The following RYR2 variants were observed in gnomAD, a reference collection of about 807,000 sequenced individuals.
RYR2 encodes cardiac muscle ryanodine receptor-calcium release channel.
RYR2 carries 227 observed loss-of-function variants against 601.1 expected under a neutral mutation model. The observed-to-expected ratio is 0.38, with a 90% CI of 0.34 to 0.42. The LOEUF (loss-of-function observed/expected upper bound fraction) is 0.42, where lower values mean the gene tolerates loss of function less well. Ranked by LOEUF, RYR2 falls within the 10% of genes least tolerant of loss-of-function variation. The pLI is 1.00. For missense variants in RYR2, 4,646 were observed against 6,156.5 expected, an observed-to-expected ratio of 0.75 and a Z score of 8.21; for synonymous variants, 2,223 against 2,175.1, an observed-to-expected ratio of 1.02 and a Z score of -0.61.
intron 84 of RYR2, among the ~76,000 whole-genome samples, chr1:237,764,327 G>A (rs938383081): frequency 5.3e-5 from 8 of 150,452 alleles, no homozygotes; most frequent in African/African-American, 1.7e-4. Context: ...CAGATCCCAC[G>A]AGTGAAGTCA....
chr1:237,290,056 G>A (rs1692038045), intron 2 of RYR2, among the ~76,000 whole-genome samples: 1 of 152,124 alleles, frequency 6.6e-6, no homozygotes, highest in Non-Finnish European at 1.5e-5. Context: ...AGAGTTATTT[G>A]TCCCTGTTTC....
chr1:237,395,691 C>A (rs910348183), intron 10 of RYR2, among the ~76,000 whole-genome samples: 1 of 151,812 alleles, frequency 6.6e-6, no homozygotes, highest in African/African-American at 2.4e-5. Context: ...GGACTACAGG[C>A]ACCCGCCACC....
chr1:237,729,871 A>T (rs1368580125), intron 76 of RYR2, among the ~76,000 whole-genome samples: 2 of 152,160 alleles, frequency 1.3e-5, no homozygotes, highest in Non-Finnish European at 2.9e-5. Context: ...TACATTGCTT[A>T]TCGAGAGACA....
At chr1:237,355,657 C>T (rs1276708876) in intron 3 of RYR2, among the ~76,000 whole-genome samples, 4 of 151,988 alleles carry the variant, frequency 2.6e-5, no homozygotes, top group East Asian at 1.9e-4. Flanking sequence ...AGGCCTATTA[C>T]GTTTGAGAAT....
intron 1 of RYR2, among the ~76,000 whole-genome samples, chr1:237,149,563 C>T (rs1674472140): frequency 1.3e-5 from 2 of 151,798 alleles, no homozygotes; most frequent in South Asian, 4.1e-4. Flanking sequence ...GGGAAGAATA[C>T]AAGACAGTAG....
intron 1 of RYR2, among the ~76,000 whole-genome samples, chr1:237,103,624 A>G (rs1308550442): frequency 6.6e-6 from 1 of 152,176 alleles, no homozygotes; most frequent in East Asian, 1.9e-4. Flanking sequence ...GCTGGAGTGC[A>G]ATGCCATGAT....
At chr1:237,442,768 A>T (rs1473658752) in intron 13 of RYR2, among the ~76,000 whole-genome samples, 1 of 152,042 alleles carries the variant, frequency 6.6e-6, no homozygotes, top group African/African-American at 2.4e-5. Flanking sequence ...CCCATTGCCT[A>T]TGCTCTTGGT....
intron 1 of RYR2, among the ~76,000 whole-genome samples, chr1:237,208,986 G>GTATATATATATATATATATATA (rs1325820873): frequency 1.2e-5 from 1 of 86,392 alleles, no homozygotes; most frequent in African/African-American, 4.9e-5. Flanking sequence ...ATATATATAT[G>GTATATATATATATATATATATA]TATACTGTAA....
chr1:237,400,477 C>A (rs919223960), intron 10 of RYR2, among the ~76,000 whole-genome samples: 13 of 151,852 alleles, frequency 8.6e-5, no homozygotes, highest in South Asian at 8.3e-4. Context: ...AAAGAGAGAC[C>A]CTGAATATAG....
chr1:237,138,905 G>A (rs1673092997), intron 1 of RYR2, among the ~76,000 whole-genome samples: 3 of 152,290 alleles, frequency 2.0e-5, no homozygotes, highest in South Asian at 4.1e-4. Context: ...GTGTTGTCAA[G>A]GCTACAGAGA....
At chr1:237,731,970 G>T in intron 77 of RYR2, 76 bp from the exon 78 acceptor site, 1 of 857,464 alleles carries the variant, frequency 1.2e-6, no homozygotes, top group Non-Finnish European at 1.9e-6. Context: ...CTTCATTGCT[G>T]TCCTTCACAG....
rs530340722 is a variant in RYR2, at chr1:237,448,711, C to T, written c.1292+3189C>T. ...GATTTTGTTCTTTTGATGAACTGAC[C>T]CCTTTATCATTATGAAATTACCTTC... On this transcript the variant is annotated intron_variant, in intron 14 of 104. Coordinates refer to ENST00000366574, the MANE Select transcript of RYR2 (RefSeq NM_001035.3). Among the ~76,000 whole-genome samples, 100 of 151,854 alleles carry T rather than the reference C, an allele frequency of 6.6e-4. 2 individuals carry two copies. In the South Asian group the frequency reaches 0.019, roughly 29 times the overall value.
At chr1:237,322,160 C>T (rs1441624393) in intron 2 of RYR2, among the ~76,000 whole-genome samples, 1 of 152,146 alleles carries the variant, frequency 6.6e-6, no homozygotes, top group East Asian at 1.9e-4. Context: ...TAATCCAGCT[C>T]ATTTTCAGAG....
rs1359061830 is a variant in RYR2, at chr1:237,832,664, C to T, written c.*17C>T. 2 of 1,491,678 alleles carry T rather than the reference C, an allele frequency of 1.3e-6. No individual in the cohort carries two copies. Among genetic ancestry groups the T allele is most frequent in the East Asian group, 2.3e-5 (1 of 43,990 alleles). The allele number at this position is 1,491,678 out of a possible 1,614,324, so 92.4% of individuals were successfully genotyped here. Reference sequence around the variant, plus strand: ...CTAAATTAAACTCAGACCCAATCACCTCTAAAAACCAAAACCCTACCCCTC... The same window carrying T: ...CTAAATTAAACTCAGACCCAATCACTTCTAAAAACCAAAACCCTACCCCTC... On this transcript the variant is annotated 3_prime_UTR_variant, in exon 105 of 105. Transcript: ENST00000366574.
intron 28 of RYR2, among the ~76,000 whole-genome samples, chr1:237,567,966 G>T (rs906597963): frequency 6.6e-6 from 1 of 151,144 alleles, no homozygotes; most frequent in Non-Finnish European, 1.5e-5. Flanking sequence ...CACTTTTTTG[G>T]GGGGTTGGGG....
At chr1:237,420,557 T>A (rs977109189) in intron 11 of RYR2, among the ~76,000 whole-genome samples, 1 of 152,136 alleles carries the variant, frequency 6.6e-6, no homozygotes, top group African/African-American at 2.4e-5. Context: ...TCTGGGCATG[T>A]GAGACCAGGC....
chr1:237,365,178 T>C (rs573121537), intron 5 of RYR2, among the ~76,000 whole-genome samples: 2 of 152,320 alleles, frequency 1.3e-5, no homozygotes, highest in Admixed American at 6.5e-5. Flanking sequence ...GAAAAATTGA[T>C]TGATATTCCA....
chr1:237,679,879 G>A (rs572239017), intron 61 of RYR2, among the ~76,000 whole-genome samples: 1 of 152,224 alleles, frequency 6.6e-6, no homozygotes, highest in East Asian at 1.9e-4. Context: ...GCCAGGTGAT[G>A]TGAGTGGACA....
intron 12 of RYR2, among the ~76,000 whole-genome samples, chr1:237,433,290 A>G (rs934375699): frequency 6.6e-6 from 1 of 152,090 alleles, no homozygotes; most frequent in Non-Finnish European, 1.5e-5. Context: ...AGAAACACAT[A>G]TCTAAAACTA....
Sources: allele counts gnomAD v4.1 joint callset (sites outside exome capture counted in the v4.1 genomes callset), GRCh38; gene constraint gnomAD v4.1.1; transcripts MANE v1.5; gene names NCBI Gene and HGNC (gene_info 2026-07-23, HGNC 2026-07-21).